The following CSMD1 variants were observed in gnomAD, a reference collection of about 807,000 sequenced individuals.
CSMD1 encodes the protein CUB and Sushi multiple domains 1.
Under a neutral mutation model 417.5 loss-of-function variants are expected in CSMD1, and 213 were observed. The ratio of observed to expected loss-of-function variants is 0.51; its 90% CI spans 0.46 to 0.57. The LOEUF (loss-of-function observed/expected upper bound fraction) is 0.57. CSMD1 is among the 20% of genes least tolerant of loss of function. The pLI is 0.00. For missense variants in CSMD1, 6,923 were observed against 4,529.7 expected, an observed-to-expected ratio of 1.53 and a Z score of -15.17; for synonymous variants, 2,862 against 1,736.8, an observed-to-expected ratio of 1.65 and a Z score of -16.11.
intron 3 of CSMD1, among the ~76,000 whole-genome samples, chr8:4,044,742 G>GTACCACCCTGGGCATGTACAACCCTGGA (rs1563357791): frequency 5.6e-4 from 11 of 19,498 alleles, no homozygotes; most frequent in Admixed American, 4.5e-3. Flanking sequence ...ACCACCCTGG[G>GTACCACCCTGGGCATGTACAACCCTGGA]CATGTACCAC....
chr8:4,695,108 G>C (rs563233929), intron 1 of CSMD1, among the ~76,000 whole-genome samples: 1 of 149,132 alleles, frequency 6.7e-6, no homozygotes, highest in Admixed American at 6.7e-5. Context: ...CTTAAGCCTG[G>C]GGTCTGAACT....
At chr8:4,577,724 T>A (rs1465290390) in intron 2 of CSMD1, among the ~76,000 whole-genome samples, 2 of 152,178 alleles carry the variant, frequency 1.3e-5, no homozygotes, top group Non-Finnish European at 2.9e-5. Flanking sequence ...CCTAACACAG[T>A]GTTTTCATGG....
intron 5 of CSMD1, among the ~76,000 whole-genome samples, chr8:3,952,451 G>A (rs1245922070): frequency 1.3e-5 from 2 of 152,072 alleles, no homozygotes; most frequent in African/African-American, 2.4e-5. Flanking sequence ...TAAATTAATT[G>A]ATTCACATAC....
At chr8:3,485,092 T>C (rs1256594180) in intron 11 of CSMD1, among the ~76,000 whole-genome samples, 3 of 152,230 alleles carry the variant, frequency 2.0e-5, no homozygotes, top group Non-Finnish European at 4.4e-5. Flanking sequence ...AACTCATGTT[T>C]ACATAACAAC....
At chr8:4,213,864 G>C (rs753644073) in intron 3 of CSMD1, among the ~76,000 whole-genome samples, 4 of 152,206 alleles carry the variant, frequency 2.6e-5, no homozygotes, top group Non-Finnish European at 5.9e-5. Flanking sequence ...CTGAGAATCA[G>C]ATGAGGTGAA....
intron 33 of CSMD1, among the ~76,000 whole-genome samples, chr8:3,196,597 A>C (rs1796715862): frequency 6.6e-6 from 1 of 152,092 alleles, no homozygotes; most frequent in Non-Finnish European, 1.5e-5. Context: ...TTCTCACCAT[A>C]GCTTTAGCTT....
intron 1 of CSMD1, among the ~76,000 whole-genome samples, chr8:4,992,464 T>C (rs1456972663): frequency 6.6e-6 from 1 of 152,134 alleles, no homozygotes; most frequent in African/African-American, 2.4e-5. Context: ...CCGGGCCCAG[T>C]TAGGCTTGGA....
intron 2 of CSMD1, among the ~76,000 whole-genome samples, chr8:4,468,780 T>C (rs989369849): frequency 6.6e-6 from 1 of 152,222 alleles, no homozygotes; most frequent in African/African-American, 2.4e-5. Context: ...GCATGTCCTG[T>C]GTTTTTCATA....
intron 3 of CSMD1, among the ~76,000 whole-genome samples, chr8:4,360,087 T>C (rs998597102): frequency 2.6e-5 from 4 of 152,170 alleles, no homozygotes; most frequent in African/African-American, 7.2e-5. Context: ...TCGGACAAGT[T>C]ACTTAACATA....
intron 9 of CSMD1, among the ~76,000 whole-genome samples, chr8:3,578,330 C>G (rs1246415310): frequency 6.6e-6 from 1 of 151,992 alleles, no homozygotes; most frequent in African/African-American, 2.4e-5. Context: ...GCTCAGGGAG[C>G]TTTGGTGATG....
chr8:4,714,437 G>A (rs879137167), intron 1 of CSMD1, among the ~76,000 whole-genome samples: 1 of 152,140 alleles, frequency 6.6e-6, no homozygotes, highest in Non-Finnish European at 1.5e-5. Flanking sequence ...AAAAGGAAAT[G>A]GAAATTCTAA....
At chr8:4,195,354 C>G (rs1010121734) in intron 3 of CSMD1, among the ~76,000 whole-genome samples, 6 of 152,134 alleles carry the variant, frequency 3.9e-5, no homozygotes, top group Non-Finnish European at 7.3e-5. Flanking sequence ...ACAAATCACC[C>G]TAACAAATTG....
chr8:3,259,353 G>A (rs1162741987), intron 26 of CSMD1, among the ~76,000 whole-genome samples: 2 of 152,170 alleles, frequency 1.3e-5, no homozygotes, highest in Non-Finnish European at 1.5e-5. Context: ...CGTTCACTCA[G>A]TCCTGCTTAG....
intron 3 of CSMD1, among the ~76,000 whole-genome samples, chr8:4,162,580 A>G (rs1469727757): frequency 1.3e-5 from 2 of 152,094 alleles, no homozygotes; most frequent in Non-Finnish European, 2.9e-5. Flanking sequence ...TTTTAAATAT[A>G]GATTTTATAT....
chr8:3,262,194 T>C (rs1225777429), intron 26 of CSMD1, among the ~76,000 whole-genome samples: 850 of 74,492 alleles, frequency 0.011, 25 homozygotes, highest in Non-Finnish European at 0.018. Context: ...AATATATATA[T>C]ATATATATAT....
intron 5 of CSMD1, among the ~76,000 whole-genome samples, chr8:3,894,626 C>A (rs1236197693): frequency 6.6e-6 from 1 of 152,128 alleles, no homozygotes; most frequent in South Asian, 2.1e-4. Flanking sequence ...ATGCTCAGTG[C>A]TAAGGCTAAA....
At chr8:4,011,205 T>G (rs1183949090) in intron 4 of CSMD1, among the ~76,000 whole-genome samples, 1 of 152,210 alleles carries the variant, frequency 6.6e-6, no homozygotes. Flanking sequence ...TACACCTGTT[T>G]GTGTTCTACC....
intron 2 of CSMD1, among the ~76,000 whole-genome samples, chr8:4,473,894 A>G (rs1340541320): frequency 6.6e-6 from 1 of 152,186 alleles, no homozygotes; most frequent in Admixed American, 6.5e-5. Context: ...AGCTTTTCAA[A>G]TCAGTGAAAA....
chr8:3,311,593 G>C (rs1412339096), intron 23 of CSMD1, among the ~76,000 whole-genome samples: 2 of 152,192 alleles, frequency 1.3e-5, no homozygotes, highest in East Asian at 3.8e-4. Context: ...TAGACGATTT[G>C]TGCTAGTATT....
Sources: gnomAD v4.1 joint callset for allele counts (sites outside exome capture counted in the v4.1 genomes callset) on GRCh38, gnomAD v4.1.1 for gene constraint, MANE v1.5 for transcripts, NCBI Gene and HGNC (gene_info 2026-07-23, HGNC 2026-07-21) for gene names.